UGT1A8: variants seen among roughly 807,000 people sequenced by gnomAD.
UGT1A8 encodes UDP glucuronosyltransferase family 1 member A8.
Under a neutral mutation model 45.3 loss-of-function variants are expected in UGT1A8, and 39 were observed. The observed-to-expected ratio is 0.86, with a 90% CI of 0.67 to 1.12. UGT1A8 has a LOEUF of 1.12. UGT1A8 is among the 50% of genes most tolerant of loss of function. UGT1A8 has a pLI of 0.00. For synonymous variants in UGT1A8, 275 were observed against 249.2 expected, an observed-to-expected ratio of 1.10 and a Z score of -0.97; for missense variants, 719 against 664.9, an observed-to-expected ratio of 1.08 and a Z score of -0.90.
intron 1 of UGT1A8, among the ~76,000 whole-genome samples, chr2:233,715,015 TACAGGCGCATGGCACC>T (rs1363692546): frequency 6.6e-6 from 1 of 152,224 alleles, no homozygotes; most frequent in African/African-American, 2.4e-5. Flanking sequence ...TAGCTGGAAC[TACAGGCGCATGGCACC>T]ACATCCAGCT....
chr2:233,702,996 T>G (rs577150100), intron 1 of UGT1A8, among the ~76,000 whole-genome samples: 1 of 152,328 alleles, frequency 6.6e-6, no homozygotes, highest in Admixed American at 6.5e-5. Flanking sequence ...TTCTCTTCTA[T>G]TTTTTGGGAA....
At chr2:233,763,669 C>T (rs902437322) in intron 1 of UGT1A8, among the ~76,000 whole-genome samples, 1 of 152,168 alleles carries the variant, frequency 6.6e-6, no homozygotes, top group Non-Finnish European at 1.5e-5. Context: ...AACTCCTGAA[C>T]TTTAAGAATA....
intron 1 of UGT1A8, among the ~76,000 whole-genome samples, chr2:233,630,790 C>T (rs2073172517): frequency 6.7e-6 from 1 of 149,258 alleles, no homozygotes; most frequent in Admixed American, 6.7e-5. Flanking sequence ...CATAGGTAAA[C>T]ATATGCCATG....
At chr2:233,757,637 C>G (rs375047032) in intron 1 of UGT1A8, among the ~76,000 whole-genome samples, 3 of 148,590 alleles carry the variant, frequency 2.0e-5, no homozygotes, top group Non-Finnish European at 4.5e-5. Context: ...CAGAACAGAA[C>G]AAAATGCTGT....
At chr2:233,724,335 G>C (rs2077226383) in intron 1 of UGT1A8, among the ~76,000 whole-genome samples, 1 of 147,976 alleles carries the variant, frequency 6.8e-6, no homozygotes, top group African/African-American at 2.5e-5. Flanking sequence ...CCAGGCGGGG[G>C]GCTGACCCCC....
chr2:233,742,752 T>C (rs1692089245), intron 1 of UGT1A8: 2 of 152,902 alleles, frequency 1.3e-5, no homozygotes, highest in Admixed American at 1.3e-4. Flanking sequence ...CTCCAAAATA[T>C]TAAGATAATA....
Position 233,682,166 on chromosome 2 carries a change from T to TAC in UGT1A8, c.855+63605_855+63606dup, listed in dbSNP as rs1421216272. 4 of 1,614,206 alleles carry TAC rather than the reference T, an allele frequency of 2.5e-6. No individual in the cohort carries two copies. The East Asian group carries it at 8.9e-5, about 36-fold the overall frequency. ...ATCACTGAATTGCACAGTGAAGACT[T>TAC]ACTCAACCTCATACACTCTGGAGGA... is the stretch of plus-strand genomic sequence containing the variant. On this transcript the variant is annotated intron_variant, in intron 1 of 4. Transcript: ENST00000373450.
intron 1 of UGT1A8, chr2:233,729,350 T>A (rs751106111): frequency 2.5e-6 from 4 of 1,614,098 alleles, no homozygotes; most frequent in Non-Finnish European, 3.4e-6. Context: ...GAGAACTTTT[T>A]CACCCTGACA....
intron 1 of UGT1A8, among the ~76,000 whole-genome samples, chr2:233,653,808 G>T (rs950928389): frequency 6.6e-6 from 1 of 152,208 alleles, no homozygotes; most frequent in African/African-American, 2.4e-5. Context: ...TGTTGGCCAG[G>T]TTGGTCTTGA....
intron 1 of UGT1A8, chr2:233,721,708 G>T (rs994914932): frequency 2.4e-5 from 9 of 371,466 alleles, no homozygotes; most frequent in African/African-American, 4.2e-5. Flanking sequence ...GCTCATCTTG[G>T]ATGCTTTGTT....
chr2:233,652,847 G>A (rs1016417025), intron 1 of UGT1A8, among the ~76,000 whole-genome samples: 8 of 152,198 alleles, frequency 5.3e-5, no homozygotes, highest in East Asian at 1.9e-4. Flanking sequence ...AAAGCTAGAA[G>A]TGTAAAAGTT....
chr2:233,718,058 C>A (rs1306003218), intron 1 of UGT1A8: 3 of 356,918 alleles, frequency 8.4e-6, no homozygotes, highest in Admixed American at 3.6e-5. Context: ...CTGAACCCAC[C>A]GTGGGTCCTT....
intron 1 of UGT1A8, among the ~76,000 whole-genome samples, chr2:233,751,332 T>C (rs1042149461): frequency 1.3e-5 from 2 of 152,004 alleles, no homozygotes; most frequent in African/African-American, 4.8e-5. Flanking sequence ...CCATTGTGTC[T>C]TGGAAGTTAC....
At chr2:233,620,833 T>C (rs1190354971) in intron 1 of UGT1A8, among the ~76,000 whole-genome samples, 5 of 152,188 alleles carry the variant, frequency 3.3e-5, no homozygotes, top group Admixed American at 3.3e-4. Context: ...CTTCCTTGTT[T>C]CAGATGCCAG....
chr2:233,772,862 C>A lies in UGT1A8; in HGVS notation c.*303C>A. 1 of 682,608 alleles carries A rather than the reference C, an allele frequency of 1.5e-6. No homozygotes were observed. The highest frequency in any genetic ancestry group is 2.2e-6 in the Non-Finnish European group (1 of 464,492). 42.3% of individuals were successfully genotyped at this position (682,608 alleles called of 1,614,324 possible). A position where few individuals can be genotyped will look rare whatever the true frequency, so the allele number is the denominator to read the frequency against. On this transcript the variant is annotated 3_prime_UTR_variant, in exon 5 of 5. Coordinates refer to ENST00000373450, the MANE Select transcript of UGT1A8 (RefSeq NM_019076.5). ...TTACTTTTCTTACTCTGAAACATGGCCTGTTTGGGAGTGCGGGATTCAAAG... is the reference window on the plus strand; with the variant it reads ...TTACTTTTCTTACTCTGAAACATGGACTGTTTGGGAGTGCGGGATTCAAAG...
chr2:233,638,054 T>C (rs1216859249), intron 1 of UGT1A8, among the ~76,000 whole-genome samples: 1 of 152,164 alleles, frequency 6.6e-6, no homozygotes, highest in African/African-American at 2.4e-5. Context: ...CGTGAATATA[T>C]TTCTATATTC....
chr2:233,728,185 C>T (rs1270906872), intron 1 of UGT1A8, among the ~76,000 whole-genome samples: 1 of 152,200 alleles, frequency 6.6e-6, no homozygotes, highest in African/African-American at 2.4e-5. Flanking sequence ...CTTATCAGAA[C>T]TTGGTGCTGG....
intron 1 of UGT1A8, among the ~76,000 whole-genome samples, chr2:233,649,765 A>T (rs1340600538): frequency 6.6e-6 from 1 of 152,206 alleles, no homozygotes; most frequent in Non-Finnish European, 1.5e-5. Context: ...TTTGACCCTG[A>T]AGAAAGTATA....
intron 1 of UGT1A8, among the ~76,000 whole-genome samples, chr2:233,723,530 T>TC (rs1471912682): frequency 8.7e-6 from 1 of 114,776 alleles, no homozygotes; most frequent in African/African-American, 3.5e-5. Context: ...TTTTTTTTTT[T>TC]TTTTTTAATT....
Sources: gnomAD v4.1 joint callset for allele counts (sites outside exome capture counted in the v4.1 genomes callset) on GRCh38, gnomAD v4.1.1 for gene constraint, MANE v1.5 for transcripts, NCBI Gene and HGNC (gene_info 2026-07-23, HGNC 2026-07-21) for gene names.